The following ANKMY2 variants were observed in gnomAD, a reference collection of about 807,000 sequenced individuals.
ANKMY2 encodes ankyrin repeat and MYND domain-containing protein 2.
A neutral mutation model predicts 50.4 loss-of-function variants in ANKMY2; 36 were observed. That is an observed-to-expected ratio of 0.71 (90% CI 0.55 to 0.94). The LOEUF is 0.94. Ranked by LOEUF, ANKMY2 falls within the 40% of genes least tolerant of loss-of-function variation. The pLI is 0.00. For synonymous variants in ANKMY2, 187 were observed against 178.8 expected, an observed-to-expected ratio of 1.05 and a Z score of -0.36; for missense variants, 565 against 524.0, an observed-to-expected ratio of 1.08 and a Z score of -0.76.
In ANKMY2 at chr7:16,636,457, T is replaced by C; in HGVS notation, c.68-2A>G. ...ATGTTCCAGCTTCTTGGACAGTACC[T>C]AAAAAAAAAAAAAAGATGAAAAGTA... On this transcript the variant is annotated splice_acceptor_variant, in intron 1 of 9. Transcript: ENST00000306999. LOFTEE classifies it high-confidence loss of function. The C allele has an allele frequency of 7.2e-7, 1 of 1,396,902 alleles. No homozygotes were observed. Among genetic ancestry groups the C allele is most frequent in the Non-Finnish European group, 9.6e-7 (1 of 1,038,188 alleles). The allele number at this position is 1,396,902 out of a possible 1,614,324, so 86.5% of individuals were successfully genotyped here. A position where few individuals can be genotyped will look rare whatever the true frequency, so the allele number is the denominator to read the frequency against.
intron 1 of ANKMY2, among the ~76,000 whole-genome samples, chr7:16,641,241 G>GACACACAC (rs35547819): frequency 6.7e-6 from 1 of 150,256 alleles, no homozygotes; most frequent in South Asian, 2.1e-4. Context: ...CTCACACACA[G>GACACACAC]ACACACACAC....
chr7:16,606,635 T>G (rs1406519915), intron 7 of ANKMY2, among the ~76,000 whole-genome samples: 1 of 152,232 alleles, frequency 6.6e-6, no homozygotes, highest in Non-Finnish European at 1.5e-5. Flanking sequence ...AGTATTTGCT[T>G]TTTCTTCCTA....
intron 7 of ANKMY2, among the ~76,000 whole-genome samples, chr7:16,606,510 A>T (rs753484659): frequency 6.6e-6 from 1 of 152,002 alleles, no homozygotes; most frequent in Non-Finnish European, 1.5e-5. Context: ...AAATAATCAC[A>T]GCGTTTCTAT....
At chr7:16,620,695 C>G (rs1781423127) in intron 4 of ANKMY2, among the ~76,000 whole-genome samples, 3 of 151,914 alleles carry the variant, frequency 2.0e-5, no homozygotes, top group South Asian at 4.2e-4. Flanking sequence ...AATGCAACCA[C>G]ATATATCAGT....
intron 1 of ANKMY2, among the ~76,000 whole-genome samples, chr7:16,639,786 G>C (rs1781721180): frequency 1.3e-5 from 2 of 152,084 alleles, no homozygotes; most frequent in Admixed American, 1.3e-4. Flanking sequence ...TGTCTCAAAA[G>C]AGAATGATAT....
At chr7:16,645,458 G>T in intron 1 of ANKMY2, 49 bp downstream of exon 1, 4 of 1,547,498 alleles carry the variant, frequency 2.6e-6, no homozygotes, top group East Asian at 2.4e-5. Flanking sequence ...GCTCCGCCAC[G>T]CCCCCCGGCC....
intron 2 of ANKMY2, among the ~76,000 whole-genome samples, chr7:16,631,065 G>C (rs538623648): frequency 6.6e-6 from 1 of 152,280 alleles, no homozygotes; most frequent in Admixed American, 6.5e-5. Flanking sequence ...GAAGGTTTCT[G>C]CAAACCTATC....
intron 4 of ANKMY2, among the ~76,000 whole-genome samples, chr7:16,621,195 G>A (rs993988466): frequency 6.6e-6 from 1 of 152,066 alleles, no homozygotes; most frequent in Non-Finnish European, 1.5e-5. Flanking sequence ...GTGTGGAGGT[G>A]GTAGTGCAAA....
chr7:16,622,128 G>C (rs975896370), intron 4 of ANKMY2, among the ~76,000 whole-genome samples: 5 of 151,992 alleles, frequency 3.3e-5, no homozygotes, highest in Admixed American at 6.6e-5. Flanking sequence ...GGAGGAAGAG[G>C]AGGACTGGCA....
intron 1 of ANKMY2, among the ~76,000 whole-genome samples, chr7:16,643,127 G>GTAT (rs1339898135): frequency 6.6e-6 from 1 of 152,124 alleles, no homozygotes; most frequent in Non-Finnish European, 1.5e-5. Context: ...TGTGAGGTGG[G>GTAT]TATTATTATT....
chr7:16,643,498 G>A (rs919074533), intron 1 of ANKMY2, among the ~76,000 whole-genome samples: 15 of 152,088 alleles, frequency 9.9e-5, no homozygotes, highest in African/African-American at 3.4e-4. Flanking sequence ...TTTCTCATTG[G>A]CATGGTCCAA....
chr7:16,618,143 C>T (rs1175786029), intron 4 of ANKMY2, among the ~76,000 whole-genome samples: 1 of 151,944 alleles, frequency 6.6e-6, no homozygotes, highest in Non-Finnish European at 1.5e-5. Context: ...CCAGGCTGGT[C>T]TCAAACTCCT....
chr7:16,623,192 A>T (rs140197790), intron 4 of ANKMY2, among the ~76,000 whole-genome samples: 1 of 152,354 alleles, frequency 6.6e-6, no homozygotes, highest in African/African-American at 2.4e-5. Flanking sequence ...CACTTGAAGG[A>T]AACAAAAAGG....
At chr7:16,621,611 G>C (rs1450367394) in intron 4 of ANKMY2, among the ~76,000 whole-genome samples, 1 of 152,086 alleles carries the variant, frequency 6.6e-6, no homozygotes, top group Non-Finnish European at 1.5e-5. Flanking sequence ...TGTAACTCCT[G>C]GTCAAGAGGC....
In ANKMY2 at chr7:16,602,380, G is replaced by C; in HGVS notation, c.1141C>G (p.His381Asp). The C allele has an allele frequency of 4.3e-6, 7 of 1,611,854 alleles. No homozygotes were observed. The highest frequency in any genetic ancestry group is 1.1e-5 in the South Asian group (1 of 90,580). The change falls in exon 9 of 10, where the codon CAC becomes GAC. Residue 381 changes from histidine (H) to aspartate (D), a missense_variant and splice_region_variant. Transcript: ENST00000306999. ...GTGAACTCGGTTTTTATATACATAC[G>C]GTTTTCCTCTTGTCTCTTTTCTTTG... ...AAKEKRQEEN[H>D]GKLDVNSNCV...
At chr7:16,602,316 T>G in intron 9 of ANKMY2, 64 bp downstream of exon 9, 1 of 1,570,084 alleles carries the variant, frequency 6.4e-7, no homozygotes, top group East Asian at 2.2e-5. Flanking sequence ...TTCAGTGTGT[T>G]AAGATCACCT....
chr7:16,615,559 G>T (rs938214595), intron 5 of ANKMY2, among the ~76,000 whole-genome samples, 185 bp downstream of exon 5: 2 of 152,054 alleles, frequency 1.3e-5, no homozygotes, highest in African/African-American at 4.8e-5. Flanking sequence ...TTTCTCTCTC[G>T]CTCACTCACT....
At position 16,615,786 on chromosome 7, in the gene ANKMY2, CG is replaced by C; in HGVS notation, c.488del (p.Pro163ArgfsTer17). ...EPKLPPKLAG[P>X]LHKIITTTNL... is the part of the protein sequence containing the mutation. ...TCGTTGTGGTGATAATTTTGTGCAG[CG>C]GGCCTGCCAACTTTGGGGGCAGTTT... On this transcript the variant is annotated frameshift_variant, in exon 5 of 10. Transcript: ENST00000306999. LOFTEE classifies it high-confidence loss of function. 1.2e-6 allele frequency: 2 copies of C among 1,614,202 alleles called. No homozygotes were observed. Among genetic ancestry groups the C allele is most frequent in the South Asian group, 2.2e-5 (2 of 91,084 alleles).
intron 5 of ANKMY2, among the ~76,000 whole-genome samples, chr7:16,613,764 CA>C (rs975868880): frequency 9.9e-5 from 15 of 151,592 alleles, no homozygotes; most frequent in African/African-American, 3.6e-4. Flanking sequence ...GGAGAAACCC[CA>C]TCTCTACCCA....
Sources: gnomAD v4.1 joint callset for allele counts (sites outside exome capture counted in the v4.1 genomes callset) on GRCh38, gnomAD v4.1.1 for gene constraint, MANE v1.5 for transcripts, NCBI Gene and HGNC (gene_info 2026-07-23, HGNC 2026-07-21) for gene names.